Variants in MYO18B observed in about 807,000 individuals in gnomAD.
MYO18B encodes myosin XVIIIB, also known as unconventional myosin-XVIIIb.
A neutral mutation model predicts 273.0 loss-of-function variants in MYO18B; 204 were observed. That is an observed-to-expected ratio of 0.75 (90% CI 0.67 to 0.84). MYO18B has a LOEUF of 0.84. Among genes scored for constraint, MYO18B ranks in the 40% least tolerant of loss-of-function variants. The pLI is 0.00. For synonymous variants in MYO18B, 1,330 were observed against 1,305.7 expected (o/e 1.02, Z -0.40); for missense variants, 3,212 against 3,287.6 (o/e 0.98, Z 0.56).
At chr22:26,025,099 T>A (rs2147007823) in intron 42 of MYO18B, among the ~76,000 whole-genome samples, 1 of 152,272 alleles carries the variant, frequency 6.6e-6, no homozygotes, top group South Asian at 2.1e-4. Context: ...AATATCATCA[T>A]ATTGAGGATT....
At chr22:25,877,498 G>A (rs1254385589) in intron 24 of MYO18B, among the ~76,000 whole-genome samples, 7 of 151,942 alleles carry the variant, frequency 4.6e-5, no homozygotes, top group African/African-American at 1.7e-4. Context: ...ATGGAGTCTC[G>A]CTCTTGTTGC....
At chr22:25,755,880 G>A (rs2086101906) in intron 1 of MYO18B, among the ~76,000 whole-genome samples, 1 of 152,028 alleles carries the variant, frequency 6.6e-6, no homozygotes, top group Non-Finnish European at 1.5e-5. Flanking sequence ...GCAGAGCTGT[G>A]AGCCAGTTGA....
chr22:25,843,628 C>A, intron 17 of MYO18B, 107 bp from the exon 18 acceptor site: 2 of 1,171,116 alleles, frequency 1.7e-6, no homozygotes. Flanking sequence ...TGAGCGTTAG[C>A]TATCTGGAAA....
intron 20 of MYO18B, among the ~76,000 whole-genome samples, chr22:25,849,812 A>T (rs1026105088): frequency 6.6e-6 from 1 of 152,236 alleles, no homozygotes; most frequent in African/African-American, 2.4e-5. Context: ...TCAATAAGAC[A>T]ATAAAGCTTA....
At chr22:26,014,539 T>C (rs1184453044) in intron 42 of MYO18B, among the ~76,000 whole-genome samples, 1 of 152,196 alleles carries the variant, frequency 6.6e-6, no homozygotes, top group Non-Finnish European at 1.5e-5. Context: ...CTTCCCACTG[T>C]CCTTAAATTT....
rs754258672 is a variant in MYO18B, at chr22:26,026,545, C to T, written c.6571C>T (p.Pro2191Ser). ...NVHSKTSGDK[P>S]VSPHFVRRQK... is the part of the protein sequence containing the mutation. ...CCACAGCAAGACCTCAGGAGACAAGCCTGTTTCTCCCCACTTTGTCCGCCG... is the reference window on the plus strand; with the variant it reads ...CCACAGCAAGACCTCAGGAGACAAGTCTGTTTCTCCCCACTTTGTCCGCCG... Residue 2191 changes from proline (P) to serine (S), a missense_variant, in exon 43 of 44, where the codon CCT (proline) becomes TCT (serine). Physicochemically the swap from Pro to Ser is moderately conservative, Grantham distance 74. Transcript: ENST00000335473. 4.3e-6 allele frequency: 7 copies of T among 1,613,928 alleles called. No individual in the cohort carries two copies. In the East Asian group the frequency reaches 1.3e-4, roughly 31 times the overall value.
At chr22:25,986,444 T>G (rs2093203449) in intron 39 of MYO18B, among the ~76,000 whole-genome samples, 2 of 152,210 alleles carry the variant, frequency 1.3e-5, no homozygotes, top group South Asian at 4.1e-4. Flanking sequence ...TGCTACCACT[T>G]TGTTGCAATA....
At chr22:25,822,115 C>G (rs761274211) in intron 12 of MYO18B, among the ~76,000 whole-genome samples, 1 of 152,146 alleles carries the variant, frequency 6.6e-6, no homozygotes, top group Non-Finnish European at 1.5e-5. Flanking sequence ...TCTTTAATCC[C>G]GTCTGGTTCC....
intron 39 of MYO18B, among the ~76,000 whole-genome samples, chr22:25,978,463 A>G (rs946674960): frequency 6.6e-6 from 1 of 152,198 alleles, no homozygotes; most frequent in African/African-American, 2.4e-5. Flanking sequence ...AGCAAAAAGA[A>G]AGGGCGAGTT....
chr22:25,950,539 T>TGG, intron 37 of MYO18B, 89 bp downstream of exon 37: 1 of 726,246 alleles, frequency 1.4e-6, no homozygotes, highest in East Asian at 2.8e-5. Flanking sequence ...TGTGTGTGTG[T>TGG]GTGTGTGTGT....
intron 39 of MYO18B, among the ~76,000 whole-genome samples, chr22:25,985,969 G>A (rs754120022): frequency 5.3e-4 from 80 of 152,156 alleles, no homozygotes; most frequent in African/African-American, 1.8e-3. Context: ...ACCCTCCAGC[G>A]TCAGCCTCAT....
chr22:25,836,786 C>A (rs1173279483), intron 17 of MYO18B, among the ~76,000 whole-genome samples: 1 of 151,962 alleles, frequency 6.6e-6, no homozygotes, highest in Non-Finnish European at 1.5e-5. Flanking sequence ...CGTGGTGAAA[C>A]CCCATCTCTA....
At chr22:26,013,401 C>A (rs1935066288) in intron 42 of MYO18B, among the ~76,000 whole-genome samples, 1 of 151,974 alleles carries the variant, frequency 6.6e-6, no homozygotes, top group Admixed American at 6.6e-5. Flanking sequence ...CAATAATATG[C>A]CATTGTGTGA....
At chr22:25,758,594 CA>C (rs1253737736) in intron 1 of MYO18B, among the ~76,000 whole-genome samples, 2 of 151,900 alleles carry the variant, frequency 1.3e-5, no homozygotes, top group Non-Finnish European at 2.9e-5. Context: ...TGAAAGCGGC[CA>C]GGGGTAAATG....
the MYO18B span, among the ~76,000 whole-genome samples, chr22:26,037,109 T>A: frequency 6.6e-6 from 1 of 152,076 alleles, no homozygotes; most frequent in Non-Finnish European, 1.5e-5. Flanking sequence ...ATCACATCAC[T>A]TCACCTGTGC....
At chr22:25,824,991 A>G (rs762043812) in intron 13 of MYO18B, among the ~76,000 whole-genome samples, 4 of 151,466 alleles carry the variant, frequency 2.6e-5, no homozygotes, top group Non-Finnish European at 4.4e-5. Context: ...TATGCGTGGC[A>G]CATGTATGTG....
chr22:25,745,785 C>T (rs144612189), intron 1 of MYO18B, among the ~76,000 whole-genome samples: 2 of 152,206 alleles, frequency 1.3e-5, no homozygotes, highest in East Asian at 3.9e-4. Context: ...TTTTCTCTGC[C>T]CATAAAAGAT....
the MYO18B span, among the ~76,000 whole-genome samples, chr22:26,053,286 A>G: frequency 2.6e-5 from 4 of 152,310 alleles, no homozygotes; most frequent in Admixed American, 6.5e-5. Flanking sequence ...CACTGCTACT[A>G]CTTGTTAAAC....
intron 7 of MYO18B, among the ~76,000 whole-genome samples, chr22:25,773,403 G>A (rs2086796656): frequency 6.6e-6 from 1 of 152,068 alleles, no homozygotes; most frequent in Non-Finnish European, 1.5e-5. Context: ...AGCCGTGTCA[G>A]TTCTCAGGGT....
Sources: allele counts gnomAD v4.1 joint callset (sites outside exome capture counted in the v4.1 genomes callset), GRCh38; gene constraint gnomAD v4.1.1; transcripts MANE v1.5; gene names NCBI Gene and HGNC (gene_info 2026-07-23, HGNC 2026-07-21).